The following CTCFL variants were observed in gnomAD, a reference collection of about 807,000 sequenced individuals.
The protein encoded by CTCFL is CCCTC-binding factor like, also known as transcriptional repressor CTCFL.
A neutral mutation model predicts 67.4 loss-of-function variants in CTCFL; 36 were observed. That is an observed-to-expected ratio of 0.53 (90% CI 0.41 to 0.71). The LOEUF is 0.71. Among genes scored for constraint, CTCFL ranks in the 30% least tolerant of loss-of-function variants. CTCFL has a pLI of 0.00. For synonymous variants in CTCFL, 324 were observed against 302.3 expected, an observed-to-expected ratio of 1.07 and a Z score of -0.75; for missense variants, 786 against 835.2, an observed-to-expected ratio of 0.94 and a Z score of 0.73.
At chr20:57,498,973 C>T (rs779868778) in intron 10 of CTCFL, among the ~76,000 whole-genome samples, 1 of 151,106 alleles carries the variant, frequency 6.6e-6, no homozygotes, top group Non-Finnish European at 1.5e-5. Flanking sequence ...ATGTTAGCAG[C>T]GACCCTGGCC....
At chr20:57,518,574 CAAAG>C (rs1381584846) in intron 5 of CTCFL, 180 bp downstream of exon 5, 18 of 1,459,998 alleles carry the variant, frequency 1.2e-5, no homozygotes, top group Admixed American at 2.2e-5. Flanking sequence ...ATCAAAGAAA[CAAAG>C]AAATCCAATT....
chr20:57,522,690 C>T (rs1048423174), intron 3 of CTCFL, among the ~76,000 whole-genome samples: 1 of 152,204 alleles, frequency 6.6e-6, no homozygotes, highest in African/African-American at 2.4e-5. Flanking sequence ...CCCTCTACGG[C>T]TTCCTGAAGG....
At chr20:57,522,881 T>C (rs1300395388) in intron 3 of CTCFL, among the ~76,000 whole-genome samples, 187 bp downstream of exon 3, 1 of 152,236 alleles carries the variant, frequency 6.6e-6, no homozygotes, top group African/African-American at 2.4e-5. Flanking sequence ...AAAACGTTTG[T>C]GTGTAAAGTG....
At chr20:57,496,505 G>C (rs551080042), downstream of CTCFL, 31 of 431,792 alleles carry the variant, frequency 7.2e-5, no homozygotes, top group South Asian at 1.3e-3. Context: ...GAATGATTAG[G>C]TAGATTCACA....
At chr20:57,499,286 G>A (rs1378910917) in intron 10 of CTCFL, among the ~76,000 whole-genome samples, 1 of 152,166 alleles carries the variant, frequency 6.6e-6, no homozygotes, top group Non-Finnish European at 1.5e-5. Flanking sequence ...TTGGCCAATC[G>A]ACATATACTG....
chr20:57,510,063 A>C (rs2068452473), intron 8 of CTCFL, among the ~76,000 whole-genome samples: 1 of 152,246 alleles, frequency 6.6e-6, no homozygotes, highest in Admixed American at 6.5e-5. Context: ...TTTGTTCAAA[A>C]TCTACCAGAA....
At chr20:57,522,516 C>T (rs2069457475) in intron 3 of CTCFL, among the ~76,000 whole-genome samples, 1 of 152,086 alleles carries the variant, frequency 6.6e-6, no homozygotes, top group Non-Finnish European at 1.5e-5. Flanking sequence ...CTCTGAGCAC[C>T]CACCCAGCTC....
chr20:57,498,654 C>T lies in CTCFL; in HGVS notation c.1888G>A (p.Gly630Arg). ...CTGCAGGCGACAGGAAACATCTCTC[C>T]TGGGAACTGTTCTCCCTTCGTGGTG... ...ASTTKGEQFPGEMFPVACRET... is the reference protein window; with the variant it reads ...ASTTKGEQFPREMFPVACRET... Residue 630 changes from glycine (G) to arginine (R), a missense_variant, in exon 11 of 11, where the codon GGA becomes AGA. This residue lies in a region of CTCFL where 199 missense variants were observed against 196.7 expected (regional missense o/e 1.01). Transcript: ENST00000243914. The T allele has an allele frequency of 6.2e-7, 1 of 1,614,154 alleles. No homozygotes were observed. Among genetic ancestry groups the T allele is most frequent in the Non-Finnish European group, 8.5e-7 (1 of 1,180,002 alleles).
rs1383233071 is a variant in CTCFL at position 57,508,634 on chromosome 20, G to T, written c.1646C>A (p.Ser549Tyr). The part of the protein sequence containing the change: ...ANFIPTVYKC[S>Y]KCGKGFSRWI... ...GCGGGAAAAGCCTTTGCCACACTTG[G>T]AGCATTTGTAAACAGTCGGGATGAA... Residue 549 changes from serine to tyrosine, a missense_variant, in exon 9 of 11, where the codon TCC becomes TAC. Around this residue, in one of 3 missense-constraint regions of CTCFL, gnomAD observed 199 missense variants for 196.7 expected, o/e 1.01. Transcript: ENST00000243914. The T allele has an allele frequency of 6.2e-7, 1 of 1,614,146 alleles. No individual in the cohort carries two copies. The highest frequency in any genetic ancestry group is 2.2e-5 in the East Asian group (1 of 44,888).
rs2068790989 is a variant in CTCFL, at chr20:57,514,725, T to C, written c.1197A>G (p.Glu399=). The part of the protein sequence containing the change: ...MRTHSGEKPY[E]CHICHTRFTQ... The stretch of plus-strand genomic sequence containing the variant: ...TGAAGCGGGTGTGGCAGATGTGGCA[T>C]TCGTAAGGCTTCTCACCTGAGATGC... The change falls in exon 7 of 11, where the codon GAA becomes GAG. Residue 399 remains glutamate (E), a synonymous_variant. Coordinates refer to ENST00000243914, the MANE Select transcript of CTCFL (RefSeq NM_001386993.1). 1 of 1,613,962 alleles carries C rather than the reference T, an allele frequency of 6.2e-7. No individual in the cohort carries two copies. Among genetic ancestry groups the C allele is most frequent in the Non-Finnish European group, 8.5e-7 (1 of 1,179,978 alleles).
In CTCFL at chr20:57,508,651, C is replaced by T. The variant is rs145270601; in HGVS notation, c.1629G>A (p.Pro543=). The T allele has an allele frequency of 2.3e-4, 378 of 1,614,056 alleles. 2 individuals carry two copies. The highest frequency in any genetic ancestry group is 9.9e-4 in the Middle Eastern group (6 of 6,062). ...FRKYHDANFI[P]TVYKCSKCGK... is the part of the protein sequence containing the mutation. ...CACACTTGGAGCATTTGTAAACAGT[C>T]GGGATGAAATTTGCATCGTGGTATT... is the stretch of plus-strand genomic sequence containing the variant. The change falls in exon 9 of 11, where the codon CCG becomes CCA. Residue 543 remains proline, a synonymous_variant. Transcript: ENST00000243914.
intron 7 of CTCFL, chr20:57,513,086 C>T (rs143550374): frequency 1.1e-4 from 29 of 262,744 alleles, no homozygotes; most frequent in Non-Finnish European, 1.7e-4. Flanking sequence ...TTAATACTCT[C>T]GGTATGGAGT....
intron 4 of CTCFL, 61 bp downstream of exon 4, chr20:57,519,146 A>G (rs2069149695): frequency 1.3e-6 from 2 of 1,521,082 alleles, no homozygotes; most frequent in Non-Finnish European, 1.8e-6. Flanking sequence ...GTGGATTCAC[A>G]TTCTTAACAT....
At chr20:57,517,052 A>C (rs570862969) in intron 5 of CTCFL, among the ~76,000 whole-genome samples, 1 of 152,366 alleles carries the variant, frequency 6.6e-6, no homozygotes, top group East Asian at 1.9e-4. Context: ...CGAGAACAAA[A>C]GAAAGCTTAG....
chr20:57,519,029 C>CA, intron 4 of CTCFL, 138 bp from the exon 5 acceptor site: 1 of 1,196,472 alleles, frequency 8.4e-7, no homozygotes. Context: ...ATAAATACCA[C>CA]AGATGCATGT....
intron 9 of CTCFL, among the ~76,000 whole-genome samples, chr20:57,505,152 T>C (rs1313393059): frequency 3.3e-5 from 5 of 151,962 alleles, no homozygotes; most frequent in Admixed American, 3.3e-4. Flanking sequence ...TGATGACTTT[T>C]TAAAGGTGAC....
chr20:57,500,900 G>A (rs937520986), intron 10 of CTCFL, among the ~76,000 whole-genome samples: 2 of 152,220 alleles, frequency 1.3e-5, no homozygotes, highest in Non-Finnish European at 2.9e-5. Context: ...TAGGTGTCAA[G>A]GTGTGGAGAA....
chr20:57,507,231 G>C, intron 9 of CTCFL: 1 of 231,240 alleles, frequency 4.3e-6, no homozygotes, highest in Non-Finnish European at 8.0e-6. Flanking sequence ...TTGCTCTGTC[G>C]CCCAGGCTGG....
chr20:57,508,844 T>C, intron 8 of CTCFL, 56 bp from the exon 9 acceptor site: 2 of 1,479,550 alleles, frequency 1.4e-6, no homozygotes, highest in Non-Finnish European at 9.4e-7. Context: ...TTCTCGATAT[T>C]AGACACTGTT....
Sources: allele counts gnomAD v4.1 joint callset (sites outside exome capture counted in the v4.1 genomes callset), GRCh38; gene constraint gnomAD v4.1.1; regional missense constraint gnomAD v4.1.1; transcripts MANE v1.5; gene names NCBI Gene and HGNC (gene_info 2026-07-23, HGNC 2026-07-21).